GSE1: variants seen among roughly 807,000 people sequenced by gnomAD.
GSE1 encodes Gse1 coiled-coil protein.
GSE1 carries 32 observed loss-of-function variants against 112.6 expected under a neutral mutation model. That is an observed-to-expected ratio of 0.28 (90% CI 0.21 to 0.38). GSE1 has a LOEUF of 0.38. Among genes scored for constraint, GSE1 ranks in the 10% least tolerant of loss-of-function variants. The pLI, the probability that GSE1 is intolerant of heterozygous loss-of-function variation, is 1.00. For missense variants in GSE1, 2,348 were observed against 1,699.2 expected, an observed-to-expected ratio of 1.38 and a Z score of -6.71; for synonymous variants, 1,115 against 735.6, an observed-to-expected ratio of 1.52 and a Z score of -8.35.
At chr16:85,651,168 G>A (rs1221789037) in intron 3 of GSE1, among the ~76,000 whole-genome samples, 1 of 149,834 alleles carries the variant, frequency 6.7e-6, no homozygotes, top group Non-Finnish European at 1.5e-5. Context: ...GATGCGCCCT[G>A]ATGCGTCTGT....
At chr16:85,613,494 C>T in intron 1 of GSE1, 96 bp downstream of exon 1, 4 of 1,158,766 alleles carry the variant, frequency 3.5e-6, no homozygotes, top group Non-Finnish European at 4.8e-6. Context: ...GGGCGGCCGC[C>T]AACGGCTCCC....
intron 1 of GSE1, among the ~76,000 whole-genome samples, chr16:85,259,285 CCCACCCTGTGCTCCACCCT>C (rs1567645062): frequency 2.7e-5 from 2 of 75,456 alleles, no homozygotes; most frequent in Non-Finnish European, 5.7e-5. Flanking sequence ...TCCACCCTGG[CCCACCCTGTGCTCCACCCT>C]GGCCCACCCT....
intron 1 of GSE1, among the ~76,000 whole-genome samples, chr16:85,276,641 G>A (rs1909391079): frequency 6.6e-6 from 1 of 152,218 alleles, no homozygotes; most frequent in Admixed American, 6.5e-5. Flanking sequence ...GCAAGTGGCC[G>A]GGAAGGGCGT....
At chr16:85,314,061 G>A (rs754173870) in intron 1 of GSE1, among the ~76,000 whole-genome samples, 2 of 151,886 alleles carry the variant, frequency 1.3e-5, no homozygotes, top group African/African-American at 2.4e-5. Flanking sequence ...AGCTGTTTGT[G>A]TGTATAAGAC....
At chr16:85,542,773 CATG>C (rs1157950172) in intron 2 of GSE1, among the ~76,000 whole-genome samples, 9 of 152,198 alleles carry the variant, frequency 5.9e-5, no homozygotes, top group Admixed American at 1.3e-4. Flanking sequence ...ACCTCTTCAC[CATG>C]ATACTTGTGA....
intron 1 of GSE1, among the ~76,000 whole-genome samples, chr16:85,341,656 C>G (rs893248374): frequency 6.6e-6 from 1 of 150,818 alleles, no homozygotes; most frequent in African/African-American, 2.4e-5. Flanking sequence ...AACTCTGTCT[C>G]TAAATAAAAA....
chr16:85,278,659 A>C (rs564413135), intron 1 of GSE1, among the ~76,000 whole-genome samples: 1 of 152,354 alleles, frequency 6.6e-6, no homozygotes, highest in East Asian at 1.9e-4. Context: ...CAGTAAGAAT[A>C]ATTTAGCAGA....
chr16:85,383,335 C>G (rs1335902230), intron 2 of GSE1, among the ~76,000 whole-genome samples: 1 of 151,958 alleles, frequency 6.6e-6, no homozygotes, highest in African/African-American at 2.4e-5. Flanking sequence ...CACACACACA[C>G]CGTGACATAC....
intron 1 of GSE1, among the ~76,000 whole-genome samples, chr16:85,239,174 C>T (rs957781288): frequency 4.3e-4 from 65 of 152,160 alleles, no homozygotes; most frequent in Admixed American, 4.1e-3. Context: ...TCAAGTGATC[C>T]ACCCACCTCT....
At chr16:85,548,635 T>C (rs1478934314) in intron 2 of GSE1, among the ~76,000 whole-genome samples, 1 of 152,204 alleles carries the variant, frequency 6.6e-6, no homozygotes, top group Admixed American at 6.5e-5. Flanking sequence ...ATTCTCTAGA[T>C]TCCTTCGTCC....
chr16:85,529,605 A>ACCACTATTTGCT, intron 2 of GSE1, among the ~76,000 whole-genome samples: 1 of 151,884 alleles, frequency 6.6e-6, no homozygotes, highest in East Asian at 1.9e-4. Context: ...CCCCACCCCC[A>ACCACTATTTGCT]CTACGGGGCC....
chr16:85,521,183 T>C (rs1390023760), intron 2 of GSE1, among the ~76,000 whole-genome samples: 1 of 152,154 alleles, frequency 6.6e-6, no homozygotes, highest in Non-Finnish European at 1.5e-5. Flanking sequence ...CGCTGATACT[T>C]GATGTGGTCC....
chr16:85,483,779 G>T (rs1309917275), intron 2 of GSE1, among the ~76,000 whole-genome samples: 3 of 152,258 alleles, frequency 2.0e-5, no homozygotes, highest in Non-Finnish European at 4.4e-5. Context: ...GGGATGCTGC[G>T]AATGCAAGGC....
At chr16:85,310,886 G>A (rs1470804861) in intron 1 of GSE1, among the ~76,000 whole-genome samples, 1 of 151,402 alleles carries the variant, frequency 6.6e-6, no homozygotes, top group Non-Finnish European at 1.5e-5. Flanking sequence ...CCAAAGCCCT[G>A]TGTGTCTGCT....
At chr16:85,376,173 C>T (rs997253817) in intron 2 of GSE1, among the ~76,000 whole-genome samples, 1 of 152,204 alleles carries the variant, frequency 6.6e-6, no homozygotes, top group African/African-American at 2.4e-5. Flanking sequence ...GCTCTGCACC[C>T]GCTGTTCTGC....
chr16:85,366,698 T>A (rs139529323), intron 2 of GSE1, among the ~76,000 whole-genome samples: 1 of 152,296 alleles, frequency 6.6e-6, no homozygotes, highest in Non-Finnish European at 1.5e-5. Context: ...AGCGTGTGAC[T>A]CTGTGTGTCT....
At chr16:85,212,437 G>A (rs903539911) in intron 1 of GSE1, among the ~76,000 whole-genome samples, 2 of 152,072 alleles carry the variant, frequency 1.3e-5, no homozygotes, top group African/African-American at 2.4e-5. Context: ...CAAACCTGGG[G>A]TAGAATGGTT....
At position 85,419,862 on chromosome 16, in the gene GSE1, C is replaced by T. The variant is rs1278716301; in HGVS notation, c.2464+62219C>T. On this transcript the variant is annotated intron_variant, in intron 2 of 2. Coordinates refer to the GSE1 transcript ENST00000637419. This position sits in a 1 kb window ranked among gnomAD's most constrained non-coding sequence, Gnocchi z 6.5. The stretch of plus-strand genomic sequence containing the variant: ...GGTGAAGTGGAGTGGGCAGCCAGGG[C>T]TGACCACCACTGCTCTGGGAGGGTC... Among the ~76,000 whole-genome samples, 3 of 151,676 alleles carry T rather than the reference C, an allele frequency of 2.0e-5. No homozygotes were observed. Among genetic ancestry groups the T allele is most frequent in the African/African-American group, 7.3e-5 (3 of 41,290 alleles).
chr16:85,253,705 C>A (rs1183008648), intron 1 of GSE1, among the ~76,000 whole-genome samples: 3 of 152,212 alleles, frequency 2.0e-5, no homozygotes, highest in Admixed American at 6.5e-5. Flanking sequence ...AAGAGTTAGC[C>A]AGGGGAGAAG....
Sources: gnomAD v4.1 joint callset for allele counts (sites outside exome capture counted in the v4.1 genomes callset) on GRCh38, gnomAD v4.1.1 for gene constraint, Gnocchi (gnomAD v3.1) non-coding constraint, MANE v1.5 for transcripts, NCBI Gene and HGNC (gene_info 2026-07-23, HGNC 2026-07-21) for gene names.